The following ANO10 variants were observed in gnomAD, a reference collection of about 807,000 sequenced individuals.
ANO10 encodes anoctamin-10.
Under a neutral mutation model 74.7 loss-of-function variants are expected in ANO10, and 77 were observed. That is an observed-to-expected ratio of 1.03 (90% confidence interval 0.86 to 1.25). The LOEUF (loss-of-function observed/expected upper bound fraction) is 1.25. Among genes scored for constraint, ANO10 ranks in the 50% most tolerant of loss-of-function variants. The probability of loss-of-function intolerance (pLI) is 0.00; values close to 1 mark genes in which losing one functional copy is unlikely to be tolerated. For missense variants in ANO10, 721 were observed against 778.1 expected (o/e 0.93, Z 0.87); for synonymous variants, 279 against 284.9 (o/e 0.98, Z 0.21).
chr3:43,508,525 C>T (rs551026885), intron 11 of ANO10, among the ~76,000 whole-genome samples: 68 of 152,124 alleles, frequency 4.5e-4, no homozygotes, highest in African/African-American at 1.5e-3. Context: ...TTCACAATAG[C>T]GAAGACTTGG....
chr3:43,562,449 C>T (rs1381199792), intron 8 of ANO10, among the ~76,000 whole-genome samples: 4 of 12,576 alleles, frequency 3.2e-4, no homozygotes, highest in Non-Finnish European at 5.6e-4. Context: ...GAGGCTCTGT[C>T]TCAAACAAAA....
intron 12 of ANO10, among the ~76,000 whole-genome samples, chr3:43,432,016 A>G (rs2092989943): frequency 6.6e-6 from 1 of 152,054 alleles, no homozygotes; most frequent in African/African-American, 2.4e-5. Flanking sequence ...ATGCAGCACT[A>G]AAGATAACAA....
chr3:43,528,009 CAGTCCTAA>C (rs1477243857), intron 11 of ANO10, among the ~76,000 whole-genome samples: 1 of 152,084 alleles, frequency 6.6e-6, no homozygotes, highest in Admixed American at 6.6e-5. Context: ...TAGAAATTAA[CAGTCCTAA>C]AGACACAAGA....
chr3:43,648,069 C>A (rs1301518703), intron 1 of ANO10, among the ~76,000 whole-genome samples: 5 of 152,190 alleles, frequency 3.3e-5, no homozygotes, highest in African/African-American at 1.2e-4. Flanking sequence ...GGCTGAAGCC[C>A]AGGAGACCTT....
intron 12 of ANO10, among the ~76,000 whole-genome samples, chr3:43,414,292 A>G (rs539253785): frequency 6.6e-6 from 1 of 152,352 alleles, no homozygotes; most frequent in Non-Finnish European, 1.5e-5. Context: ...GGGAGAGAGC[A>G]GCAAAGAGAA....
intron 4 of ANO10, among the ~76,000 whole-genome samples, chr3:43,595,985 C>G (rs559712632): frequency 6.6e-6 from 1 of 152,080 alleles, no homozygotes; most frequent in Non-Finnish European, 1.5e-5. Context: ...AACAGAGAGC[C>G]AAATCATGAG....
chr3:43,598,737 C>A (rs533052048), intron 3 of ANO10, 71 bp from the exon 4 acceptor site: 2 of 1,249,954 alleles, frequency 1.6e-6, no homozygotes, highest in East Asian at 5.1e-5. Context: ...CCTGAGATTA[C>A]AGAAATAATG....
intron 11 of ANO10, among the ~76,000 whole-genome samples, chr3:43,442,204 G>A (rs1575816899): frequency 6.6e-6 from 1 of 151,804 alleles, no homozygotes; most frequent in East Asian, 1.9e-4. Flanking sequence ...TAAATAAAAG[G>A]TATCCAAATT....
At chr3:43,387,407 C>T (rs561492135) in intron 12 of ANO10, among the ~76,000 whole-genome samples, 5 of 152,042 alleles carry the variant, frequency 3.3e-5, no homozygotes, top group Admixed American at 6.6e-5. Flanking sequence ...GGGTGCTGGG[C>T]GGCAGGGAGA....
At chr3:43,619,002 C>T (rs4516582) in intron 1 of ANO10, among the ~76,000 whole-genome samples, 97,232 of 152,036 alleles carry the variant, frequency 0.64, 31,862 homozygotes, top group East Asian at 0.89. Flanking sequence ...GACGGGGTTT[C>T]ACCGTGTTAG....
chr3:43,370,116 G>T (rs2091554511), intron 12 of ANO10, among the ~76,000 whole-genome samples: 1 of 152,200 alleles, frequency 6.6e-6, no homozygotes, highest in African/African-American at 2.4e-5. Context: ...TGAAGAGGAG[G>T]CTGAGCCCTA....
chr3:43,528,675 A>C (rs1356849430), intron 11 of ANO10, among the ~76,000 whole-genome samples: 1 of 152,222 alleles, frequency 6.6e-6, no homozygotes, highest in Non-Finnish European at 1.5e-5. Context: ...AAAAATGACA[A>C]GGAAGACAGG....
intron 1 of ANO10, among the ~76,000 whole-genome samples, chr3:43,674,786 C>T (rs117380106): frequency 0.023 from 3,436 of 152,256 alleles, 61 homozygotes; most frequent in South Asian, 0.092. Context: ...AAAGGATCAT[C>T]CCAGTTTGAG....
intron 11 of ANO10, among the ~76,000 whole-genome samples, chr3:43,528,638 T>TA (rs1444211363): frequency 6.7e-6 from 1 of 149,290 alleles, no homozygotes; most frequent in Non-Finnish European, 1.5e-5. Context: ...AGGACAAAAA[T>TA]AAAAGAAAAA....
intron 4 of ANO10, among the ~76,000 whole-genome samples, chr3:43,587,891 CT>C (rs2081551862): frequency 6.6e-6 from 1 of 152,002 alleles, no homozygotes; most frequent in Non-Finnish European, 1.5e-5. Context: ...TACAAATCAA[CT>C]CACATAAATT....
chr3:43,564,046 T>C (rs575619503), intron 8 of ANO10, among the ~76,000 whole-genome samples: 2 of 152,024 alleles, frequency 1.3e-5, no homozygotes, highest in South Asian at 4.1e-4. Flanking sequence ...GATTGATCAT[T>C]ACACATTTTT....
chr3:43,665,902 C>A (rs1231599588), intron 1 of ANO10, among the ~76,000 whole-genome samples: 1 of 152,052 alleles, frequency 6.6e-6, no homozygotes, highest in Non-Finnish European at 1.5e-5. Context: ...TTTAATTATA[C>A]AATTATAAAG....
Position 43,661,072 on chromosome 3 carries a change from C to T in ANO10, c.-12+30445G>A, listed in dbSNP as rs144228517. ...CAGAGACCACTACAAAGATGCTCCTCGAGAAGAGCAACCCCAAGAAACATA... is the reference window on the plus strand; with the variant it reads ...CAGAGACCACTACAAAGATGCTCCTTGAGAAGAGCAACCCCAAGAAACATA... On this transcript the variant is annotated intron_variant, in intron 1 of 3. Transcript: ENST00000413397. 1.5e-3 allele frequency among the ~76,000 whole-genome samples: 221 copies of T among 152,156 alleles called. 1 individual carries two copies. The highest frequency in any genetic ancestry group is 5.1e-3 in the African/African-American group (212 of 41,514).
chr3:43,647,267 GA>G (rs2083737726), intron 1 of ANO10, among the ~76,000 whole-genome samples: 1 of 151,824 alleles, frequency 6.6e-6, no homozygotes, highest in Non-Finnish European at 1.5e-5. Flanking sequence ...TGGAGGGTGA[GA>G]AATCTCATGA....
Sources: gnomAD v4.1 joint callset for allele counts (sites outside exome capture counted in the v4.1 genomes callset) on GRCh38, gnomAD v4.1.1 for gene constraint, MANE v1.5 for transcripts, NCBI Gene and HGNC (gene_info 2026-07-23, HGNC 2026-07-21) for gene names.